The following MLLT1 variants were observed in gnomAD, a reference collection of about 807,000 sequenced individuals.
The protein encoded by MLLT1 is protein ENL.
A neutral mutation model predicts 55.1 loss-of-function variants in MLLT1; 11 were observed. That is an observed-to-expected ratio of 0.20 (90% CI 0.13 to 0.33). The LOEUF is 0.33. MLLT1 is among the 10% of genes least tolerant of loss of function. The pLI, the probability that MLLT1 is intolerant of heterozygous loss-of-function variation, is 1.00. For synonymous variants in MLLT1, 323 were observed against 320.1 expected (o/e 1.01, Z -0.10); for missense variants, 536 against 760.6 (o/e 0.70, Z 3.47).
At chr19:6,267,803 T>G (rs2091361071) in intron 2 of MLLT1, among the ~76,000 whole-genome samples, 1 of 152,172 alleles carries the variant, frequency 6.6e-6, no homozygotes. Flanking sequence ...CAACGTCCAT[T>G]GTAGCCTCAA....
intron 3 of MLLT1, among the ~76,000 whole-genome samples, chr19:6,261,453 G>A (rs2091304928): frequency 1.3e-5 from 2 of 152,102 alleles, no homozygotes; most frequent in Non-Finnish European, 2.9e-5. Flanking sequence ...TAACCAAGCG[G>A]GGCGGCATCC....
rs1372553761 is a variant in MLLT1 at position 6,270,872 on chromosome 19, C to T, written c.13-113G>A. On this transcript the variant is annotated intron_variant, in intron 1 of 11. Coordinates refer to ENST00000252674, the MANE Select transcript of MLLT1 (RefSeq NM_005934.4). This position sits in a 1 kb window ranked among gnomAD's most constrained non-coding sequence, Gnocchi z 7.1. ...GACCCCCAGCAGTGCAATACGCTCT[C>T]AACCCAGTGAGCAGCACACAGACGG... is the stretch of plus-strand genomic sequence containing the variant. 4 of 1,015,152 alleles carry T rather than the reference C, an allele frequency of 3.9e-6. No homozygotes were observed. Among genetic ancestry groups the T allele is most frequent in the Non-Finnish European group, 5.6e-6 (4 of 711,112 alleles). The allele number at this position is 1,015,152 out of a possible 1,614,324, so 62.9% of individuals were successfully genotyped here.
At chr19:6,260,239 C>G (rs996911861) in intron 3 of MLLT1, among the ~76,000 whole-genome samples, 42 of 152,166 alleles carry the variant, frequency 2.8e-4, no homozygotes, top group Non-Finnish European at 5.3e-4. Context: ...ATCCTATGGT[C>G]AAAGGGCCCC....
In MLLT1 at chr19:6,211,765, T is replaced by C; in HGVS notation, c.*1277A>G. The C allele has an allele frequency of 9.4e-7, 1 of 1,064,476 alleles. No homozygotes were observed. The highest frequency in any genetic ancestry group is 1.1e-6 in the Non-Finnish European group (1 of 878,726). The allele number at this position is 1,064,476 out of a possible 1,614,324, so 65.9% of individuals were successfully genotyped here. ...CCTGGGACCCCCAGCCACGATGGGCTGGCTCCGCGGGAGCGTCCTGGCCCT... is the reference window on the plus strand; with the variant it reads ...CCTGGGACCCCCAGCCACGATGGGCCGGCTCCGCGGGAGCGTCCTGGCCCT... On this transcript the variant is annotated 3_prime_UTR_variant, in exon 12 of 12. Coordinates refer to ENST00000252674, the MANE Select transcript of MLLT1 (RefSeq NM_005934.4). This position sits in a 1 kb window ranked among gnomAD's most constrained non-coding sequence, Gnocchi z 4.6.
chr19:6,275,044 A>G (rs56382658), intron 1 of MLLT1, among the ~76,000 whole-genome samples: 185 of 152,348 alleles, frequency 1.2e-3, no homozygotes, highest in African/African-American at 4.2e-3. Flanking sequence ...CCTGGCAAAG[A>G]GCCGCGAGCC....
rs1186266002 is a variant in MLLT1, at chr19:6,210,798, G to C, written c.*2244C>G. ...CGGGCAGCTGGGGTGGGGTGGGAGAGCAGCTGGGGATGCTGCCTTGGGAGC... is the reference window on the plus strand; with the variant it reads ...CGGGCAGCTGGGGTGGGGTGGGAGACCAGCTGGGGATGCTGCCTTGGGAGC... On this transcript the variant is annotated 3_prime_UTR_variant, in exon 12 of 12. Coordinates refer to ENST00000252674, the MANE Select transcript of MLLT1 (RefSeq NM_005934.4). This position sits in a 1 kb window ranked among gnomAD's most constrained non-coding sequence, Gnocchi z 4.6. 8.7e-6 allele frequency: 2 copies of C among 229,670 alleles called. No homozygotes were observed. Among genetic ancestry groups the C allele is most frequent in the Admixed American group, 5.7e-5 (1 of 17,652 alleles). 14.2% of individuals were successfully genotyped at this position (229,670 alleles called of 1,614,324 possible).
At chr19:6,277,414 CT>C (rs1246465627) in intron 1 of MLLT1, among the ~76,000 whole-genome samples, 1 of 152,206 alleles carries the variant, frequency 6.6e-6, no homozygotes, top group Non-Finnish European at 1.5e-5. Flanking sequence ...TGGTCAGTAG[CT>C]CAGTAGCTCA....
At chr19:6,250,381 T>C (rs532555046) in intron 3 of MLLT1, among the ~76,000 whole-genome samples, 9 of 152,294 alleles carry the variant, frequency 5.9e-5, no homozygotes, top group Admixed American at 1.3e-4. Flanking sequence ...AAATTAAACA[T>C]AGAATTACCA....
chr19:6,218,334 G>A (rs2090865785), intron 6 of MLLT1, among the ~76,000 whole-genome samples: 2 of 152,258 alleles, frequency 1.3e-5, no homozygotes, highest in Admixed American at 1.3e-4. Flanking sequence ...TACCCAGGCA[G>A]GTGCACAGGG....
intron 3 of MLLT1, among the ~76,000 whole-genome samples, chr19:6,254,183 C>A (rs1443630953): frequency 6.6e-6 from 1 of 152,124 alleles, no homozygotes; most frequent in Non-Finnish European, 1.5e-5. Context: ...TCACCAATGG[C>A]CAATGGTTTA....
At chr19:6,228,364 G>A (rs767151128) in intron 4 of MLLT1, among the ~76,000 whole-genome samples, 16 of 152,112 alleles carry the variant, frequency 1.1e-4, no homozygotes, top group Non-Finnish European at 1.8e-4. Flanking sequence ...TCAGGATCAC[G>A]CAGTGTCTCG....
rs1186953279 is a variant in MLLT1, at chr19:6,240,670, T to C, written c.277-9957A>G. Among the ~76,000 whole-genome samples, 2 of 151,930 alleles carry C rather than the reference T, an allele frequency of 1.3e-5. No individual in the cohort carries two copies. Among genetic ancestry groups the C allele is most frequent in the Non-Finnish European group, 2.9e-5 (2 of 67,958 alleles). On this transcript the variant is annotated intron_variant, in intron 3 of 11. Transcript: ENST00000252674. The surrounding 1 kb of genome is among the most constrained non-coding windows in gnomAD (Gnocchi z 4.7). Reference sequence around the variant, plus strand: ...AGATTCAAAAGCGCTGTGGGGGTGATGTCAGACGCACAGGGAGAGACTGGA... The same window carrying C: ...AGATTCAAAAGCGCTGTGGGGGTGACGTCAGACGCACAGGGAGAGACTGGA...
Position 6,214,021 on chromosome 19 carries a change from C to CAGGT in MLLT1, c.1324_1325insACCT (p.Ser442AsnfsTer5), listed in dbSNP as rs2090810949. On this transcript the variant is annotated frameshift_variant, in exon 9 of 12. Transcript: ENST00000252674. LOFTEE classifies it high-confidence loss of function. ...GGAGTCGGCGCTGTTGTCACTCTCG[C>CAGGT]TGTCGCTGAAGCTCAACCTGAACCG... 1 of 1,447,906 alleles carries CAGGT rather than the reference C, an allele frequency of 6.9e-7. No homozygotes were observed. The highest frequency in any genetic ancestry group is 1.4e-5 in the African/African-American group (1 of 69,820). 89.7% of individuals were successfully genotyped at this position (1,447,906 alleles called of 1,614,324 possible).
At chr19:6,258,178 C>T (rs1165146981) in intron 3 of MLLT1, among the ~76,000 whole-genome samples, 2 of 152,170 alleles carry the variant, frequency 1.3e-5, no homozygotes, top group African/African-American at 2.4e-5. Flanking sequence ...CAAACAAGTA[C>T]AAACACACAC....
Position 6,216,522 on chromosome 19 carries a change from G to A in MLLT1, c.1199-9C>T. 1.9e-6 allele frequency: 3 copies of A among 1,567,066 alleles called. No homozygotes were observed. The highest frequency in any genetic ancestry group is 2.6e-6 in the Non-Finnish European group (3 of 1,154,016). On this transcript the variant is annotated splice_polypyrimidine_tract_variant and intron_variant, in intron 7 of 11. Coordinates refer to ENST00000252674, the MANE Select transcript of MLLT1 (RefSeq NM_005934.4). ...CATGGAGCGCAGGGGTCCTGGGGAG[G>A]CGGGGCAGGGAGGGAGGGGAGACAA...
intron 3 of MLLT1, among the ~76,000 whole-genome samples, chr19:6,248,773 C>T (rs1030224039): frequency 2.0e-5 from 3 of 152,080 alleles, no homozygotes; most frequent in Non-Finnish European, 2.9e-5. Flanking sequence ...TAGTTCACGG[C>T]GATTGTACTG....
Position 6,216,519 on chromosome 19 carries a change from G to C in MLLT1, c.1199-6C>G. 7.7e-6 allele frequency: 12 copies of C among 1,568,174 alleles called. No homozygotes were observed. Among genetic ancestry groups the C allele is most frequent in the Non-Finnish European group, 9.5e-6 (11 of 1,153,340 alleles). The stretch of plus-strand genomic sequence containing the variant: ...CACCATGGAGCGCAGGGGTCCTGGG[G>C]AGGCGGGGCAGGGAGGGAGGGGAGA... On this transcript the variant is annotated splice_region_variant and splice_polypyrimidine_tract_variant and intron_variant, in intron 7 of 11. Coordinates refer to ENST00000252674, the MANE Select transcript of MLLT1 (RefSeq NM_005934.4).
rs181391268 is a variant in MLLT1, at chr19:6,252,355, G to A, written c.276+9873C>T. ...CTCCAGCTTGCAGGTGGCCTGTCAC[G>A]GGACTTCTCGGCCTCCACAATCACG... On this transcript the variant is annotated intron_variant, in intron 3 of 11. Transcript: ENST00000252674. 3.5e-3 allele frequency among the ~76,000 whole-genome samples: 535 copies of A among 152,268 alleles called. 4 individuals carry two copies. The highest frequency in any genetic ancestry group is 6.2e-3 in the Non-Finnish European group (425 of 68,032).
chr19:6,237,530 G>T (rs1009893749), intron 3 of MLLT1, among the ~76,000 whole-genome samples: 2 of 151,684 alleles, frequency 1.3e-5, no homozygotes, highest in South Asian at 4.1e-4. Flanking sequence ...GGCCGAGGCA[G>T]GTGGATCACA....
Sources: gnomAD v4.1 joint callset for allele counts (sites outside exome capture counted in the v4.1 genomes callset) on GRCh38, gnomAD v4.1.1 for gene constraint, Gnocchi (gnomAD v3.1) non-coding constraint, MANE v1.5 for transcripts, NCBI Gene and HGNC (gene_info 2026-07-23, HGNC 2026-07-21) for gene names.